The following RAD51B variants were observed in gnomAD, a reference collection of about 807,000 sequenced individuals.
The protein encoded by RAD51B is RAD51 paralog B.
Under a neutral mutation model 42.2 loss-of-function variants are expected in RAD51B, and 38 were observed. The ratio of observed to expected loss-of-function variants is 0.90; its 90% confidence interval spans 0.70 to 1.18. The LOEUF (loss-of-function observed/expected upper bound fraction) is 1.18. Ranked by LOEUF, RAD51B falls within the 50% of genes most tolerant of loss-of-function variation. RAD51B has a pLI of 0.00. For missense variants in RAD51B, 373 were observed against 400.7 expected, an observed-to-expected ratio of 0.93 and a Z score of 0.59; for synonymous variants, 154 against 145.2, an observed-to-expected ratio of 1.06 and a Z score of -0.43.
chr14:68,089,996 A>G (rs1041789786), intron 7 of RAD51B, among the ~76,000 whole-genome samples: 1 of 152,330 alleles, frequency 6.6e-6, no homozygotes, highest in South Asian at 2.1e-4. Context: ...AGCGGAAACT[A>G]GAAGTGCTAT....
At chr14:68,409,202 G>A (rs573878084) in intron 8 of RAD51B, among the ~76,000 whole-genome samples, 5 of 152,176 alleles carry the variant, frequency 3.3e-5, no homozygotes, top group Admixed American at 6.6e-5. Context: ...TTTCTAAAAT[G>A]CAAATATAGT....
chr14:68,662,606 G>C (rs142194104), intron 11 of RAD51B, among the ~76,000 whole-genome samples: 18 of 152,328 alleles, frequency 1.2e-4, no homozygotes, highest in African/African-American at 4.3e-4. Flanking sequence ...TTGTTCTCAA[G>C]AGAGCCATGA....
chr14:67,859,207 G>T (rs1265989688), intron 4 of RAD51B, among the ~76,000 whole-genome samples: 2 of 152,166 alleles, frequency 1.3e-5, no homozygotes, highest in Non-Finnish European at 2.9e-5. Flanking sequence ...AACATACTGG[G>T]ATGAATTATA....
At chr14:68,309,136 A>G (rs1156940688) in intron 8 of RAD51B, among the ~76,000 whole-genome samples, 2 of 152,062 alleles carry the variant, frequency 1.3e-5, no homozygotes, top group East Asian at 1.9e-4. Context: ...TTTTTTCACG[A>G]GTTATCTTGC....
At chr14:68,093,334 C>T (rs980725269) in intron 7 of RAD51B, among the ~76,000 whole-genome samples, 3 of 152,136 alleles carry the variant, frequency 2.0e-5, no homozygotes, top group Non-Finnish European at 2.9e-5. Flanking sequence ...TGGTCCTGGA[C>T]TCTTTTTGGT....
At chr14:68,074,903 C>T (rs1272991609) in intron 7 of RAD51B, among the ~76,000 whole-genome samples, 1 of 152,170 alleles carries the variant, frequency 6.6e-6, no homozygotes, top group African/African-American at 2.4e-5. Flanking sequence ...CTCTGCATTT[C>T]CTTGCATGTG....
At chr14:68,043,400 G>C (rs927500631) in intron 7 of RAD51B, among the ~76,000 whole-genome samples, 2 of 152,154 alleles carry the variant, frequency 1.3e-5, no homozygotes, top group Non-Finnish European at 2.9e-5. Context: ...TTTAATTCGT[G>C]ATTCATTTGC....
At chr14:68,199,684 G>A (rs1423287010) in intron 7 of RAD51B, among the ~76,000 whole-genome samples, 2 of 152,120 alleles carry the variant, frequency 1.3e-5, no homozygotes, top group Admixed American at 6.5e-5. Flanking sequence ...TCTTTGGTCC[G>A]AGACCCAATA....
At chr14:68,543,021 C>T (rs1411894467) in intron 10 of RAD51B, among the ~76,000 whole-genome samples, 1 of 152,206 alleles carries the variant, frequency 6.6e-6, no homozygotes, top group Non-Finnish European at 1.5e-5. Flanking sequence ...GTTAAATCTT[C>T]GTAAGATGTC....
chr14:68,126,893 A>G (rs992607017), intron 7 of RAD51B, among the ~76,000 whole-genome samples: 2 of 152,194 alleles, frequency 1.3e-5, no homozygotes, highest in African/African-American at 2.4e-5. Context: ...GTTTCTCAAT[A>G]AAGACTTTAA....
intron 7 of RAD51B, among the ~76,000 whole-genome samples, chr14:68,003,243 C>T (rs2075520351): frequency 6.6e-6 from 1 of 152,172 alleles, no homozygotes; most frequent in African/African-American, 2.4e-5. Context: ...AGGTCCTTCA[C>T]TTCCCTTGTT....
chr14:68,209,343 G>A (rs1743535166), intron 7 of RAD51B, among the ~76,000 whole-genome samples: 1 of 152,150 alleles, frequency 6.6e-6, no homozygotes, highest in Admixed American at 6.5e-5. Context: ...TCTAAGTTGA[G>A]GCAGTGACAG....
chr14:68,673,794 GCA>G (rs1345312938), intron 11 of RAD51B, among the ~76,000 whole-genome samples: 14 of 148,622 alleles, frequency 9.4e-5, no homozygotes, highest in African/African-American at 3.0e-4. Context: ...CATACTATAT[GCA>G]CACATATATA....
rs1455235588 is a variant in RAD51B at position 67,914,429 on chromosome 14, A to G, written c.756+27225A>G. 2.0e-5 allele frequency among the ~76,000 whole-genome samples: 3 copies of G among 152,246 alleles called. No individual in the cohort carries two copies. The East Asian group carries it at 5.8e-4, about 29-fold the overall frequency. On this transcript the variant is annotated intron_variant, in intron 7 of 10. Coordinates refer to ENST00000471583, the MANE Select transcript of RAD51B (RefSeq NM_133510.4). ...AGTTCTCATTGTTTCCTTATGGATG[A>G]ATAGTATTCCATTGAGTATATGTAC...
At chr14:67,996,766 G>T (rs1489078571) in intron 7 of RAD51B, among the ~76,000 whole-genome samples, 2 of 152,192 alleles carry the variant, frequency 1.3e-5, no homozygotes, top group African/African-American at 4.8e-5. Flanking sequence ...GAGATCACTG[G>T]CTGCTGGTTG....
At chr14:68,613,479 A>G (rs1891751382), downstream of RAD51B, among the ~76,000 whole-genome samples, 1 of 139,348 alleles carries the variant, frequency 7.2e-6, no homozygotes, top group Admixed American at 7.4e-5. Context: ...TTTGAGATGG[A>G]GTCTCACTCT....
intron 4 of RAD51B, among the ~76,000 whole-genome samples, chr14:67,853,973 A>G (rs966019889): frequency 3.9e-5 from 6 of 152,224 alleles, no homozygotes; most frequent in African/African-American, 1.4e-4. Context: ...GAAGTGAACT[A>G]CAGGGCATTG....
At chr14:68,554,169 C>G (rs2140389212) in intron 10 of RAD51B, among the ~76,000 whole-genome samples, 1 of 152,302 alleles carries the variant, frequency 6.6e-6, no homozygotes, top group East Asian at 1.9e-4. Context: ...TCCAGACCAG[C>G]TCCAAGGACA....
At chr14:68,085,875 G>A (rs1290405187) in intron 7 of RAD51B, among the ~76,000 whole-genome samples, 2 of 152,164 alleles carry the variant, frequency 1.3e-5, no homozygotes, top group Non-Finnish European at 2.9e-5. Context: ...ACCTCTAGGG[G>A]AGGCTAGATG....
Sources: allele counts gnomAD v4.1 joint callset (sites outside exome capture counted in the v4.1 genomes callset), GRCh38; gene constraint gnomAD v4.1.1; transcripts MANE v1.5; gene names NCBI Gene and HGNC (gene_info 2026-07-23, HGNC 2026-07-21).